RILPL1: variants seen among roughly 807,000 people sequenced by gnomAD.
RILPL1 encodes the protein RILP-like protein 1.
Under a neutral mutation model 50.3 loss-of-function variants are expected in RILPL1, and 33 were observed. The ratio of observed to expected loss-of-function variants is 0.66; its 90% CI spans 0.50 to 0.88. The LOEUF (loss-of-function observed/expected upper bound fraction) is 0.88. RILPL1 is among the 40% of genes least tolerant of loss of function. RILPL1 has a pLI of 0.00. For missense variants in RILPL1, 418 were observed against 542.5 expected, an observed-to-expected ratio of 0.77 and a Z score of 2.28; for synonymous variants, 205 against 228.6, an observed-to-expected ratio of 0.90 and a Z score of 0.93.
intron 6 of RILPL1, among the ~76,000 whole-genome samples, chr12:123,478,487 T>A (rs1381690191): frequency 6.6e-6 from 1 of 150,860 alleles, no homozygotes; most frequent in Non-Finnish European, 1.5e-5. Context: ...GCCAAATATT[T>A]CTGGAAGACT....
At chr12:123,487,413 C>T (rs748732458) in intron 4 of RILPL1, among the ~76,000 whole-genome samples, 40 of 152,232 alleles carry the variant, frequency 2.6e-4, no homozygotes, top group Non-Finnish European at 5.6e-4. Flanking sequence ...AGCGATTCTT[C>T]CGCCTCAGCC....
Position 123,470,259 on chromosome 12 carries a change from C to G in RILPL1, c.*2279G>C, listed in dbSNP as rs961327010. 1 of 151,886 alleles carries G rather than the reference C, an allele frequency of 6.6e-6. No individual in the cohort carries two copies. Among genetic ancestry groups the G allele is most frequent in the African/African-American group, 2.4e-5 (1 of 41,298 alleles). The allele number at this position is 151,886 out of a possible 1,614,324, so 9.4% of individuals were successfully genotyped here. On this transcript the variant is annotated 3_prime_UTR_variant, in exon 7 of 7. Coordinates refer to ENST00000376874, the MANE Select transcript of RILPL1 (RefSeq NM_178314.5). The stretch of plus-strand genomic sequence containing the variant: ...TTGGGAGGCTGGGGTGTGAGGATCA[C>G]TTGAGCCCAGGAGTTTGAGACCAGC...
At position 123,521,709 on chromosome 12, in the gene RILPL1, A is replaced by T. The variant is rs1296374736; in HGVS notation, c.460+1786T>A. On this transcript the variant is annotated intron_variant, in intron 2 of 6. Coordinates refer to ENST00000376874, the MANE Select transcript of RILPL1 (RefSeq NM_178314.5). The stretch of plus-strand genomic sequence containing the variant: ...TACACACATATATGTATATATATAT[A>T]AATATATATATACACACATATATGT... Among the ~76,000 whole-genome samples the T allele has an allele frequency of 1.1e-4, 12 of 108,084 alleles. 1 individual carries two copies. Among genetic ancestry groups the T allele is most frequent in the African/African-American group, 3.0e-4 (9 of 29,682 alleles). 70.9% of individuals were successfully genotyped at this position (108,084 alleles called of 152,430 possible).
intron 6 of RILPL1, among the ~76,000 whole-genome samples, chr12:123,480,931 G>T (rs1383601187): frequency 6.6e-6 from 1 of 152,136 alleles, no homozygotes; most frequent in Non-Finnish European, 1.5e-5. Context: ...TCACAGACCC[G>T]GACGATCAAT....
rs374426772 is a variant in RILPL1 at position 123,498,801 on chromosome 12, A to T, written c.580-36T>A. On this transcript the variant is annotated intron_variant, in intron 3 of 6. Transcript: ENST00000376874. This position sits in a 1 kb window ranked among gnomAD's most constrained non-coding sequence, Gnocchi z 4.3. ...AGGGAGACCATTGTGCGGGGCTGCCACCTGCGGTAGCTCAGGTTGTACACT... is the reference window on the plus strand; with the variant it reads ...AGGGAGACCATTGTGCGGGGCTGCCTCCTGCGGTAGCTCAGGTTGTACACT... The T allele has an allele frequency of 3.8e-6, 6 of 1,593,624 alleles. No homozygotes were observed. In the African/African-American group the frequency reaches 6.7e-5, roughly 18 times the overall value.
At chr12:123,495,122 A>G (rs192175571) in intron 4 of RILPL1, among the ~76,000 whole-genome samples, 1 of 152,222 alleles carries the variant, frequency 6.6e-6, no homozygotes, top group East Asian at 1.9e-4. Flanking sequence ...GGATTTCCTG[A>G]GGCTTTTGCT....
chr12:123,476,879 T>G (rs1881628277), intron 6 of RILPL1, among the ~76,000 whole-genome samples: 1 of 152,136 alleles, frequency 6.6e-6, no homozygotes, highest in African/African-American at 2.4e-5. Context: ...GGCTAAAATG[T>G]AGGGCTGTGT....
At chr12:123,528,167 A>G (rs28361405) in intron 1 of RILPL1, among the ~76,000 whole-genome samples, 134,100 of 151,738 alleles carry the variant, frequency 0.88, 59,370 homozygotes, top group East Asian at 1. Context: ...AGGAGTCTGC[A>G]GCCAGCCTGG....
chr12:123,504,015 A>G (rs563331722), intron 2 of RILPL1, among the ~76,000 whole-genome samples: 6 of 151,836 alleles, frequency 4.0e-5, no homozygotes, highest in African/African-American at 7.2e-5. Context: ...AAAAAAAAAA[A>G]AAAGAAAGAT....
chr12:123,475,957 G>A (rs1881565827), intron 6 of RILPL1: 1 of 487,910 alleles, frequency 2.0e-6, no homozygotes, highest in African/African-American at 2.1e-5. Context: ...AGGCTGGAGT[G>A]CGGTGGCGCA....
At chr12:123,508,153 G>C (rs1365581869) in intron 2 of RILPL1, among the ~76,000 whole-genome samples, 3 of 152,058 alleles carry the variant, frequency 2.0e-5, no homozygotes, top group African/African-American at 7.2e-5. Flanking sequence ...CAGCACTTTG[G>C]GGGGCCAAGG....
chr12:123,471,568 T>G lies in RILPL1; in HGVS notation c.*970A>C, dbSNP rs1881191668. ...CACCAGTTGCAGTAGAGCATCTGGC[T>G]CTCTGTCTGCTGCTATAGCCCTGTG... is the stretch of plus-strand genomic sequence containing the variant. On this transcript the variant is annotated 3_prime_UTR_variant, in exon 7 of 7. Transcript: ENST00000376874. 6.6e-6 allele frequency: 1 copy of G among 152,148 alleles called. No homozygotes were observed. Among genetic ancestry groups the G allele is most frequent in the Admixed American group, 6.6e-5 (1 of 15,254 alleles). The allele number at this position is 152,148 out of a possible 1,614,324, so 9.4% of individuals were successfully genotyped here.
chr12:123,512,202 G>T, intron 2 of RILPL1, among the ~76,000 whole-genome samples: 2 of 133,972 alleles, frequency 1.5e-5, no homozygotes, highest in Non-Finnish European at 3.2e-5. Flanking sequence ...TGTGTGTGTG[G>T]TGTGTCTGAG....
intron 6 of RILPL1, 92 bp downstream of exon 6, chr12:123,484,088 T>C: frequency 1.3e-6 from 1 of 776,622 alleles, no homozygotes; most frequent in Non-Finnish European, 2.1e-6. Context: ...GTCACAAGCC[T>C]GGCCCTGGGA....
intron 1 of RILPL1, among the ~76,000 whole-genome samples, chr12:123,526,460 G>A (rs1195504691): frequency 6.6e-6 from 1 of 152,176 alleles, no homozygotes; most frequent in East Asian, 1.9e-4. Context: ...CCCCACAAAT[G>A]AGGAAACTAG....
intron 1 of RILPL1, among the ~76,000 whole-genome samples, chr12:123,530,357 G>C (rs1275162027): frequency 5.9e-5 from 9 of 152,124 alleles, no homozygotes; most frequent in Non-Finnish European, 1.2e-4. Context: ...GTAGAAATGG[G>C]GTTTTGCCAT....
In RILPL1 at chr12:123,471,492, A is replaced by T. The variant is rs1455334313; in HGVS notation, c.*1046T>A. 1 of 152,202 alleles carries T rather than the reference A, an allele frequency of 6.6e-6. No individual in the cohort carries two copies. The highest frequency in any genetic ancestry group is 1.5e-5 in the Non-Finnish European group (1 of 68,090). The allele number at this position is 152,202 out of a possible 1,614,324, so 9.4% of individuals were successfully genotyped here. A position where few individuals can be genotyped will look rare whatever the true frequency, so the allele number is the denominator to read the frequency against. ...GTGAGCAACCAGCCCTGTGCCCTGGATGCTTGGCGGGTGGAGAGAAAGACA... is the reference window on the plus strand; with the variant it reads ...GTGAGCAACCAGCCCTGTGCCCTGGTTGCTTGGCGGGTGGAGAGAAAGACA... On this transcript the variant is annotated 3_prime_UTR_variant, in exon 7 of 7. Transcript: ENST00000376874.
At chr12:123,512,016 C>CTG (rs1309856609) in intron 2 of RILPL1, among the ~76,000 whole-genome samples, 1 of 74,888 alleles carries the variant, frequency 1.3e-5, no homozygotes, top group Admixed American at 1.8e-4. Context: ...TGTGTGAGGT[C>CTG]TGTGTGTGTA....
At chr12:123,523,391 G>T in intron 2 of RILPL1, 104 bp downstream of exon 2, 1 of 1,366,190 alleles carries the variant, frequency 7.3e-7, no homozygotes, top group Non-Finnish European at 1.0e-6. Context: ...TTGGGAATCA[G>T]CCAGCACCGC....
Sources: allele counts gnomAD v4.1 joint callset (sites outside exome capture counted in the v4.1 genomes callset), GRCh38; gene constraint gnomAD v4.1.1; non-coding constraint Gnocchi (gnomAD v3.1); transcripts MANE v1.5; gene names NCBI Gene and HGNC (gene_info 2026-07-23, HGNC 2026-07-21).